Variants in SCN11A observed in about 807,000 individuals in gnomAD.
SCN11A encodes sodium channel protein type 11 subunit alpha.
In SCN11A, 122 loss-of-function variants were observed where a neutral mutation model predicts 162.2. The observed-to-expected ratio is 0.75, with a 90% CI of 0.65 to 0.87. SCN11A has a LOEUF of 0.87. Ranked by LOEUF, SCN11A falls within the 40% of genes least tolerant of loss-of-function variation. The probability of loss-of-function intolerance (pLI) is 0.00; values close to 1 mark genes in which losing one functional copy is unlikely to be tolerated. For synonymous variants in SCN11A, 758 were observed against 751.5 expected (o/e 1.01, Z -0.14); for missense variants, 2,015 against 2,181.6 (o/e 0.92, Z 1.52).
chr3:38,905,439 C>A, intron 14 of SCN11A, 118 bp from the exon 15 acceptor site: 1 of 1,130,710 alleles, frequency 8.8e-7, no homozygotes. Flanking sequence ...TTCTATAGGT[C>A]TACTCACCTC....
intron 2 of SCN11A, among the ~76,000 whole-genome samples, chr3:38,968,253 C>T (rs183779426): frequency 5.3e-5 from 8 of 152,322 alleles, no homozygotes; most frequent in Admixed American, 3.3e-4. Flanking sequence ...ACCATGTTTA[C>T]ATGCTGCTCT....
At chr3:38,979,972 T>A (rs967995115) in intron 2 of SCN11A, among the ~76,000 whole-genome samples, 1 of 152,212 alleles carries the variant, frequency 6.6e-6, no homozygotes, top group Non-Finnish European at 1.5e-5. Context: ...AGAAAGCCGC[T>A]TGTTGTTCTG....
chr3:39,035,581 A>G (rs1184200130), intron 1 of SCN11A, among the ~76,000 whole-genome samples: 1 of 151,918 alleles, frequency 6.6e-6, no homozygotes, highest in Non-Finnish European at 1.5e-5. Flanking sequence ...GGATCTCCCT[A>G]TGTTGCTCTG....
intron 26 of SCN11A, 131 bp downstream of exon 26, chr3:38,870,560 T>C (rs1205256802): frequency 1.4e-6 from 1 of 702,558 alleles, no homozygotes; most frequent in Non-Finnish European, 2.5e-6. Context: ...CTCATAGTGT[T>C]TTGTTCCAAA....
intron 28 of SCN11A, among the ~76,000 whole-genome samples, chr3:38,862,182 A>G (rs1003268334): frequency 2.0e-5 from 3 of 152,288 alleles, no homozygotes; most frequent in South Asian, 4.1e-4. Flanking sequence ...TAAAACCACA[A>G]TGGGATGCCA....
chr3:38,915,993 G>A (rs1171759761), intron 11 of SCN11A, among the ~76,000 whole-genome samples: 1 of 152,064 alleles, frequency 6.6e-6, no homozygotes, highest in Non-Finnish European at 1.5e-5. Flanking sequence ...TCCTGTCTTG[G>A]GCGCATATAC....
intron 27 of SCN11A, among the ~76,000 whole-genome samples, chr3:38,866,340 TC>T (rs2065040931): frequency 6.6e-6 from 1 of 152,060 alleles, no homozygotes; most frequent in Admixed American, 6.6e-5. Context: ...TGCCTCAGCC[TC>T]CCAAGTAGCT....
At chr3:38,876,342 A>T (rs748078249) in intron 23 of SCN11A, among the ~76,000 whole-genome samples, 1 of 152,146 alleles carries the variant, frequency 6.6e-6, no homozygotes, top group Non-Finnish European at 1.5e-5. Context: ...AAATGCAACA[A>T]AAACAAAGAT....
At chr3:38,923,439 T>A (rs1183490915) in intron 9 of SCN11A, among the ~76,000 whole-genome samples, 1 of 152,182 alleles carries the variant, frequency 6.6e-6, no homozygotes, top group Non-Finnish European at 1.5e-5. Context: ...CTCACAGCCA[T>A]CTCAAACATA....
At position 39,031,808 on chromosome 3, in the gene SCN11A, G is replaced by A. The variant is rs570575130; in HGVS notation, c.-280+572C>T. On this transcript the variant is annotated intron_variant, in intron 2 of 29. Transcript: ENST00000302328. ...AATTATGCGGCTTCTTAGTTTCTCC[G>A]TGAATCTGATTAATATCCGTGATAG... 3.5e-4 allele frequency among the ~76,000 whole-genome samples: 53 copies of A among 152,122 alleles called. No homozygotes were observed. The South Asian group carries it at 9.3e-3, about 27-fold the overall frequency.
intron 1 of SCN11A, among the ~76,000 whole-genome samples, chr3:39,035,930 T>C (rs2031894102): frequency 6.6e-6 from 1 of 152,102 alleles, no homozygotes; most frequent in African/African-American, 2.4e-5. Context: ...TGAGCCACTG[T>C]GCCTGGCAAC....
intron 9 of SCN11A, among the ~76,000 whole-genome samples, chr3:38,924,378 A>G (rs922020401): frequency 6.9e-6 from 1 of 145,488 alleles, no homozygotes; most frequent in African/African-American, 2.5e-5. Context: ...CATCTAACTA[A>G]TTTTTTTTTT....
At chr3:38,971,452 A>G (rs4342048) in intron 2 of SCN11A, among the ~76,000 whole-genome samples, 76,898 of 151,926 alleles carry the variant, frequency 0.51, 23,020 homozygotes, top group African/African-American at 0.85. Context: ...TTACTAACTG[A>G]GCACTGGCCT....
intron 2 of SCN11A, among the ~76,000 whole-genome samples, chr3:38,986,409 T>TA (rs113853966): frequency 0.1 from 15,889 of 152,156 alleles, 1,060 homozygotes; most frequent in East Asian, 0.22. Flanking sequence ...TCAGTGGAGC[T>TA]GGGTGTTCCC....
rs200912035 is a variant in SCN11A, at chr3:38,955,989, G to A, written c.-138-2230C>T. Among the ~76,000 whole-genome samples, 35 of 152,340 alleles carry A rather than the reference G, an allele frequency of 2.3e-4. 1 individual carries two copies. In the East Asian group the frequency reaches 5.0e-3, roughly 22 times the overall value. ...AGCCCGGGTATGGTGTCTCATGCCT[G>A]TAATCTCAGCACTTTGGGAGGCTGA... On this transcript the variant is annotated intron_variant, in intron 3 of 29. Transcript: ENST00000302328.
chr3:39,014,863 G>A (rs960046097), intron 2 of SCN11A, among the ~76,000 whole-genome samples: 2 of 152,304 alleles, frequency 1.3e-5, no homozygotes, highest in East Asian at 1.9e-4. Flanking sequence ...ACCATCAGGT[G>A]GCTGGCTGGT....
intron 7 of SCN11A, among the ~76,000 whole-genome samples, chr3:38,933,336 C>T (rs1203770116): frequency 5.9e-5 from 9 of 152,294 alleles, no homozygotes; most frequent in South Asian, 4.1e-4. Context: ...TCCAAAGGAA[C>T]GCAGCTCCTC....
chr3:38,890,311 A>G (rs2065478578), intron 19 of SCN11A, among the ~76,000 whole-genome samples: 1 of 152,238 alleles, frequency 6.6e-6, no homozygotes, highest in South Asian at 2.1e-4. Context: ...TTCATAAGAA[A>G]AAAGAGCTCT....
intron 11 of SCN11A, among the ~76,000 whole-genome samples, chr3:38,912,458 T>C (rs1325901650): frequency 6.6e-6 from 1 of 152,090 alleles, no homozygotes. Context: ...TCTCCAAATT[T>C]TTTTCTTTCT....
Sources: allele counts gnomAD v4.1 joint callset (sites outside exome capture counted in the v4.1 genomes callset), GRCh38; gene constraint gnomAD v4.1.1; transcripts MANE v1.5; gene names NCBI Gene and HGNC (gene_info 2026-07-23, HGNC 2026-07-21).